The following SNTG2 variants were observed in gnomAD, a reference collection of about 807,000 sequenced individuals.
SNTG2 encodes syntrophin gamma 2.
A neutral mutation model predicts 70.9 loss-of-function variants in SNTG2; 74 were observed. The ratio of observed to expected loss-of-function variants is 1.04; its 90% CI spans 0.86 to 1.27. SNTG2 has a LOEUF of 1.27. Among genes scored for constraint, SNTG2 ranks in the 50% most tolerant of loss-of-function variants. SNTG2 has a pLI of 0.00. For synonymous variants in SNTG2, 278 were observed against 273.8 expected (o/e 1.02, Z -0.15); for missense variants, 717 against 690.7 (o/e 1.04, Z -0.43).
At position 1,097,463 on chromosome 2, in the gene SNTG2, G is replaced by T. The variant is rs757020136; in HGVS notation, c.211-733G>T. Among the ~76,000 whole-genome samples, 1 of 152,094 alleles carries T rather than the reference G, an allele frequency of 6.6e-6. No individual in the cohort carries two copies. Among genetic ancestry groups the T allele is most frequent in the Admixed American group, 6.5e-5 (1 of 15,270 alleles). On this transcript the variant is annotated intron_variant, in intron 2 of 16. Transcript: ENST00000308624. The surrounding 1 kb of genome is among the most constrained non-coding windows in gnomAD (Gnocchi z 4.1). ...TAAAAGCACCCTTTGGCCACTGTCCGTCTACCCCAGGCTGCCTCTGTGCGC... is the reference window on the plus strand; with the variant it reads ...TAAAAGCACCCTTTGGCCACTGTCCTTCTACCCCAGGCTGCCTCTGTGCGC...
intron 6 of SNTG2, among the ~76,000 whole-genome samples, chr2:1,164,629 G>A (rs529423187): frequency 1.2e-3 from 175 of 151,876 alleles, no homozygotes; most frequent in Middle Eastern, 3.4e-3. Flanking sequence ...GGCAGTCTCT[G>A]TGTAGAGGAG....
chr2:1,227,463 G>A (rs1675868324), intron 9 of SNTG2, among the ~76,000 whole-genome samples: 1 of 152,232 alleles, frequency 6.6e-6, no homozygotes, highest in Admixed American at 6.5e-5. Flanking sequence ...TGGAGGAGCC[G>A]CCCATGTGAC....
At chr2:954,108 A>C (rs1660067339) in intron 1 of SNTG2, among the ~76,000 whole-genome samples, 1 of 152,184 alleles carries the variant, frequency 6.6e-6, no homozygotes, top group African/African-American at 2.4e-5. Context: ...CAGGCACACG[A>C]GGGACCCCAA....
At chr2:1,072,566 A>G (rs1339103333) in intron 1 of SNTG2, among the ~76,000 whole-genome samples, 2 of 152,172 alleles carry the variant, frequency 1.3e-5, no homozygotes, top group Non-Finnish European at 2.9e-5. Context: ...CATTGACAAT[A>G]TACATGGTCA....
chr2:1,135,485 C>G (rs953235854), intron 4 of SNTG2, among the ~76,000 whole-genome samples: 2 of 152,126 alleles, frequency 1.3e-5, no homozygotes, highest in African/African-American at 4.8e-5. Flanking sequence ...TTTGGGAGGC[C>G]GAGGCGGGCA....
rs563756335 is a variant in SNTG2, at chr2:1,189,506, C to CAGG, written c.591+16325_591+16327dup. Among the ~76,000 whole-genome samples, 417 of 152,008 alleles carry CAGG rather than the reference C, an allele frequency of 2.7e-3. 1 individual carries two copies. Among genetic ancestry groups the CAGG allele is most frequent in the Non-Finnish European group, 4.1e-3 (277 of 67,968 alleles). ...AAGATACTGCAATTAAGACAGCATT[C>CAGG]AGGATCACGTGAAATGACCAACTGA... On this transcript the variant is annotated intron_variant, in intron 8 of 16. Transcript: ENST00000308624.
At chr2:1,003,128 A>G (rs1659460540) in intron 1 of SNTG2, among the ~76,000 whole-genome samples, 1 of 152,090 alleles carries the variant, frequency 6.6e-6, no homozygotes, top group Non-Finnish European at 1.5e-5. Flanking sequence ...ATGAGAAATT[A>G]CCTCATGGGC....
intron 14 of SNTG2, among the ~76,000 whole-genome samples, chr2:1,281,084 A>T (rs1406426949): frequency 6.6e-6 from 1 of 152,044 alleles, no homozygotes; most frequent in Non-Finnish European, 1.5e-5. Context: ...GAGTGTGATA[A>T]ATGCTGAAGG....
At chr2:1,317,985 G>C (rs572497152) in intron 16 of SNTG2, among the ~76,000 whole-genome samples, 4 of 152,148 alleles carry the variant, frequency 2.6e-5, no homozygotes, top group Non-Finnish European at 2.9e-5. Context: ...TTAAAGGAAG[G>C]GTTTTACAAA....
intron 1 of SNTG2, 51 bp from the exon 2 acceptor site, chr2:1,083,467 C>G (rs1664476191): frequency 1.9e-6 from 3 of 1,607,600 alleles, no homozygotes; most frequent in Admixed American, 3.3e-5. Context: ...ATCCCCACCC[C>G]TGGCTCCTGC....
At chr2:1,016,663 C>T (rs1314088315) in intron 1 of SNTG2, among the ~76,000 whole-genome samples, 1 of 152,218 alleles carries the variant, frequency 6.6e-6, no homozygotes, top group Non-Finnish European at 1.5e-5. Context: ...TTATGCTGAA[C>T]AGGTTGGCCA....
At chr2:1,190,495 CTATATATATATATATATATATATATA>C (rs72001718) in intron 8 of SNTG2, among the ~76,000 whole-genome samples, 13 of 90,798 alleles carry the variant, frequency 1.4e-4, no homozygotes, top group East Asian at 2.7e-4. Flanking sequence ...GGAGGGCTGA[CTATATATATATATATATATATATATA>C]TATATATATA....
intron 16 of SNTG2, among the ~76,000 whole-genome samples, chr2:1,362,542 T>TA (rs1661244521): frequency 8.9e-6 from 1 of 112,880 alleles, no homozygotes; most frequent in African/African-American, 3.2e-5. Context: ...AAGTCACCAA[T>TA]GCTGAGCATT....
At chr2:1,188,996 AAAC>A (rs1253504952) in intron 8 of SNTG2, among the ~76,000 whole-genome samples, 3 of 152,170 alleles carry the variant, frequency 2.0e-5, no homozygotes, top group African/African-American at 4.8e-5. Context: ...TGACAAGAAA[AAAC>A]AACAAAACAT....
intron 9 of SNTG2, among the ~76,000 whole-genome samples, chr2:1,234,515 T>C (rs1437821530): frequency 6.6e-6 from 1 of 152,230 alleles, no homozygotes; most frequent in Non-Finnish European, 1.5e-5. Context: ...TCCTATTTTG[T>C]GGTACGGTTG....
intron 12 of SNTG2, 28 bp downstream of exon 12, chr2:1,247,471 G>C (rs1348173759): frequency 6.7e-7 from 1 of 1,502,760 alleles, no homozygotes; most frequent in Non-Finnish European, 9.3e-7. Context: ...ACTCCACAGG[G>C]AGGGGCTGCT....
At chr2:1,021,309 C>G (rs1368364416) in intron 1 of SNTG2, among the ~76,000 whole-genome samples, 1 of 152,052 alleles carries the variant, frequency 6.6e-6, no homozygotes, top group Non-Finnish European at 1.5e-5. Context: ...TGACCTGCAC[C>G]CATAAAAGTC....
intron 1 of SNTG2, among the ~76,000 whole-genome samples, chr2:1,030,141 T>C (rs1660734731): frequency 6.6e-6 from 1 of 152,210 alleles, no homozygotes; most frequent in African/African-American, 2.4e-5. Flanking sequence ...AAATAACTTG[T>C]AGCTCTCATT....
chr2:985,854 G>T (rs927817322), intron 1 of SNTG2, among the ~76,000 whole-genome samples: 1 of 152,042 alleles, frequency 6.6e-6, no homozygotes, highest in Non-Finnish European at 1.5e-5. Flanking sequence ...TTTATTGCAA[G>T]AATGATTAAT....
Sources: allele counts gnomAD v4.1 joint callset (sites outside exome capture counted in the v4.1 genomes callset), GRCh38; gene constraint gnomAD v4.1.1; non-coding constraint Gnocchi (gnomAD v3.1); transcripts MANE v1.5; gene names NCBI Gene and HGNC (gene_info 2026-07-23, HGNC 2026-07-21).